PTPN4: variants seen among roughly 807,000 people sequenced by gnomAD.
The protein encoded by PTPN4 is tyrosine-protein phosphatase non-receptor type 4.
A neutral mutation model predicts 135.5 loss-of-function variants in PTPN4; 49 were observed. The observed-to-expected ratio is 0.36, with a 90% CI of 0.29 to 0.46. The LOEUF is 0.46. Among genes scored for constraint, PTPN4 ranks in the 20% least tolerant of loss-of-function variants. The pLI, the probability that PTPN4 is intolerant of heterozygous loss-of-function variation, is 1.00. For missense variants in PTPN4, 860 were observed against 1,101.0 expected, an observed-to-expected ratio of 0.78 and a Z score of 3.10; for synonymous variants, 333 against 369.9, an observed-to-expected ratio of 0.90 and a Z score of 1.14.
At chr2:119,782,788 C>G (rs1690966697) in intron 1 of PTPN4, among the ~76,000 whole-genome samples, 1 of 143,274 alleles carries the variant, frequency 7.0e-6, no homozygotes, top group South Asian at 2.3e-4. Flanking sequence ...TCACTACAGC[C>G]TCAACCCCCC....
intron 10 of PTPN4, among the ~76,000 whole-genome samples, chr2:119,903,564 C>A (rs1205170258): frequency 1.3e-5 from 2 of 151,496 alleles, no homozygotes; most frequent in Non-Finnish European, 2.9e-5. Context: ...CTGACACACA[C>A]ACACACACAC....
At chr2:119,761,685 C>T (rs1292029984) in intron 1 of PTPN4, among the ~76,000 whole-genome samples, 1 of 152,072 alleles carries the variant, frequency 6.6e-6, no homozygotes, top group Non-Finnish European at 1.5e-5. Context: ...GAAACACGCA[C>T]GGTCCCATAG....
intron 2 of PTPN4, among the ~76,000 whole-genome samples, chr2:119,853,292 C>G (rs978884282): frequency 2.6e-5 from 4 of 152,234 alleles, no homozygotes; most frequent in Admixed American, 2.6e-4. Flanking sequence ...CATTTTATTA[C>G]TAGTTTTATG....
intron 2 of PTPN4, among the ~76,000 whole-genome samples, chr2:119,826,836 G>C (rs1476849209): frequency 6.6e-6 from 1 of 151,906 alleles, no homozygotes; most frequent in Non-Finnish European, 1.5e-5. Flanking sequence ...GACTAGTTAG[G>C]GCAACATAGC....
intron 1 of PTPN4, among the ~76,000 whole-genome samples, chr2:119,784,956 TACTGA>T (rs1691020645): frequency 2.7e-4 from 2 of 7,542 alleles, no homozygotes; most frequent in South Asian, 0.14. Flanking sequence ...CATTTTATGA[TACTGA>T]GGAGGAAAAG....
intron 15 of PTPN4, among the ~76,000 whole-genome samples, chr2:119,942,277 A>T (rs1377539494): frequency 6.6e-6 from 1 of 152,178 alleles, no homozygotes. Flanking sequence ...GTAACTGAGT[A>T]TTGCCACTGT....
chr2:119,847,328 A>ATATATTTTT (rs1257711116), intron 2 of PTPN4, among the ~76,000 whole-genome samples: 1 of 102,754 alleles, frequency 9.7e-6, no homozygotes, highest in Non-Finnish European at 1.9e-5. Context: ...ATATATATAT[A>ATATATTTTT]TTTTTTTTTT....
intron 9 of PTPN4, among the ~76,000 whole-genome samples, chr2:119,898,441 GGC>G (rs1678356077): frequency 6.6e-6 from 1 of 152,112 alleles, no homozygotes; most frequent in African/African-American, 2.4e-5. Flanking sequence ...GTTGTATAAA[GGC>G]CTTGGATCCC....
chr2:119,794,242 G>A (rs1006919045), intron 1 of PTPN4, among the ~76,000 whole-genome samples: 6 of 152,158 alleles, frequency 3.9e-5, no homozygotes, highest in African/African-American at 1.2e-4. Flanking sequence ...TATAGGATCC[G>A]TGGGATATTG....
chr2:119,789,863 C>G (rs1691112076), intron 1 of PTPN4, among the ~76,000 whole-genome samples: 1 of 152,022 alleles, frequency 6.6e-6, no homozygotes, highest in Non-Finnish European at 1.5e-5. Context: ...GCTGGGATTA[C>G]AGGTGCATAC....
rs890692187 is a variant in PTPN4, at chr2:119,981,362, A to G, written c.*4292A>G. 1.3e-5 allele frequency: 2 copies of G among 151,994 alleles called. No individual in the cohort carries two copies. Among genetic ancestry groups the G allele is most frequent in the Admixed American group, 1.3e-4 (2 of 15,246 alleles). The allele number at this position is 151,994 out of a possible 1,614,324, so 9.4% of individuals were successfully genotyped here. On this transcript the variant is annotated 3_prime_UTR_variant, in exon 27 of 27. Coordinates refer to ENST00000263708, the MANE Select transcript of PTPN4 (RefSeq NM_002830.4). ...CTTACTTCCCCCATTTGCTTCACCTATCTGACTACAATTGCTGGAATCATT... is the reference window on the plus strand; with the variant it reads ...CTTACTTCCCCCATTTGCTTCACCTGTCTGACTACAATTGCTGGAATCATT...
chr2:119,894,320 T>C (rs1254203121), intron 9 of PTPN4, among the ~76,000 whole-genome samples: 3 of 152,226 alleles, frequency 2.0e-5, no homozygotes, highest in African/African-American at 7.2e-5. Flanking sequence ...TACATATGAC[T>C]TTATCCATGT....
At chr2:119,944,845 C>G (rs1679110153) in intron 15 of PTPN4, among the ~76,000 whole-genome samples, 1 of 151,966 alleles carries the variant, frequency 6.6e-6, no homozygotes, top group Admixed American at 6.6e-5. Flanking sequence ...TAATAGGTAT[C>G]TTCACAGGAA....
chr2:119,880,001 A>G (rs1351271613), intron 5 of PTPN4: 1 of 122,722 alleles, frequency 8.1e-6, no homozygotes, highest in Admixed American at 1.1e-4. Context: ...AGTGAAAAAT[A>G]TTCCTTTAAT....
chr2:119,809,798 G>A (rs1403353328), intron 1 of PTPN4, 39 bp from the exon 2 acceptor site: 13 of 1,494,834 alleles, frequency 8.7e-6, no homozygotes, highest in African/African-American at 1.4e-5. Context: ...TATATTTTAC[G>A]AACCTTTTAT....
chr2:119,778,277 A>G (rs1690875378), intron 1 of PTPN4, among the ~76,000 whole-genome samples: 1 of 152,194 alleles, frequency 6.6e-6, no homozygotes, highest in African/African-American at 2.4e-5. Context: ...GCTGCTTCTA[A>G]TGTTTCTAGT....
chr2:119,982,559 A>T lies in PTPN4; in HGVS notation c.*5489A>T, dbSNP rs1356293482. ...TTTCATTTTGCTTTGCCTCTAGAAT[A>T]GAAACTTTTCAGAAAATTTGCACAT... is the stretch of plus-strand genomic sequence containing the variant. On this transcript the variant is annotated 3_prime_UTR_variant, in exon 27 of 27. Coordinates refer to ENST00000263708, the MANE Select transcript of PTPN4 (RefSeq NM_002830.4). 1 of 152,236 alleles carries T rather than the reference A, an allele frequency of 6.6e-6. No individual in the cohort carries two copies. The highest frequency in any genetic ancestry group is 1.5e-5 in the Non-Finnish European group (1 of 68,040). The allele number at this position is 152,236 out of a possible 1,614,324, so 9.4% of individuals were successfully genotyped here.
rs765866439 is a variant in PTPN4 at position 119,855,447 on chromosome 2, A to G, written c.139-7089A>G. On this transcript the variant is annotated intron_variant, in intron 2 of 26. Coordinates refer to ENST00000263708, the MANE Select transcript of PTPN4 (RefSeq NM_002830.4). ...CCCTGTTCCTTGAAGGGACGGTTCT[A>G]AGTTGTGGCTTGTGAGAGACACCGG... 3.6e-4 allele frequency among the ~76,000 whole-genome samples: 55 copies of G among 152,302 alleles called. 1 individual carries two copies. The Middle Eastern group carries it at 0.014, about 38-fold the overall frequency.
At chr2:119,774,798 G>A (rs1012399715) in intron 1 of PTPN4, among the ~76,000 whole-genome samples, 16 of 151,906 alleles carry the variant, frequency 1.1e-4, no homozygotes, top group African/African-American at 2.9e-4. Flanking sequence ...AGGCCGAGGC[G>A]GGCAGATCAC....
Sources: gnomAD v4.1 joint callset for allele counts (sites outside exome capture counted in the v4.1 genomes callset) on GRCh38, gnomAD v4.1.1 for gene constraint, MANE v1.5 for transcripts, NCBI Gene and HGNC (gene_info 2026-07-23, HGNC 2026-07-21) for gene names.